The following PTPRD variants were observed in gnomAD, a reference collection of about 807,000 sequenced individuals.
PTPRD encodes the protein protein tyrosine phosphatase receptor type D.
Under a neutral mutation model 214.5 loss-of-function variants are expected in PTPRD, and 34 were observed. The ratio of observed to expected loss-of-function variants is 0.16; its 90% confidence interval spans 0.12 to 0.21. The LOEUF is 0.21. Ranked by LOEUF, PTPRD falls within the 10% of genes least tolerant of loss-of-function variation. PTPRD has a pLI of 1.00. For synonymous variants in PTPRD, 1,128 were observed against 845.7 expected (o/e 1.33, Z -5.79); for missense variants, 2,545 against 2,398.7 (o/e 1.06, Z -1.27).
intron 7 of PTPRD, among the ~76,000 whole-genome samples, chr9:9,701,271 A>G (rs957182921): frequency 2.0e-5 from 3 of 152,214 alleles, no homozygotes; most frequent in Non-Finnish European, 4.4e-5. Context: ...GATGGTAGTT[A>G]TATCTCATAT....
intron 44 of PTPRD, among the ~76,000 whole-genome samples, chr9:8,321,205 T>TATC (rs1007720330): frequency 2.6e-5 from 4 of 151,958 alleles, no homozygotes; most frequent in African/African-American, 9.7e-5. Context: ...TGAGATTTAT[T>TATC]ATCTTTTTGT....
intron 11 of PTPRD, among the ~76,000 whole-genome samples, chr9:8,942,301 T>G (rs2099038936): frequency 1.3e-5 from 2 of 152,212 alleles, no homozygotes. Flanking sequence ...ATTCTTTTAT[T>G]AAGCTGTTCT....
chr9:10,546,139 G>A (rs1383150196), intron 2 of PTPRD, among the ~76,000 whole-genome samples: 1 of 152,080 alleles, frequency 6.6e-6, no homozygotes, highest in Non-Finnish European at 1.5e-5. Flanking sequence ...GTGAGGGATA[G>A]TATTGGCCTG....
At chr9:10,444,367 A>G (rs2098783725) in intron 2 of PTPRD, among the ~76,000 whole-genome samples, 1 of 151,846 alleles carries the variant, frequency 6.6e-6, no homozygotes, top group South Asian at 2.1e-4. Context: ...GCATAGCTCC[A>G]TAGTGGTAAG....
intron 3 of PTPRD, among the ~76,000 whole-genome samples, chr9:10,244,450 T>G (rs575930851): frequency 1.3e-5 from 2 of 152,208 alleles, no homozygotes; most frequent in African/African-American, 2.4e-5. Context: ...TGGCATGAGG[T>G]CCAACTGACC....
intron 3 of PTPRD, among the ~76,000 whole-genome samples, chr9:10,279,900 A>T (rs2094990841): frequency 6.7e-6 from 1 of 149,686 alleles, no homozygotes; most frequent in Non-Finnish European, 1.5e-5. Context: ...ATAAATTCTT[A>T]TCTTTTAACT....
chr9:10,336,207 G>T (rs2096841380), intron 3 of PTPRD, among the ~76,000 whole-genome samples: 1 of 151,708 alleles, frequency 6.6e-6, no homozygotes, highest in Admixed American at 6.6e-5. Flanking sequence ...TAAAATAAGT[G>T]AAAGACTTAA....
rs948479645 is a variant in PTPRD at position 8,604,374 on chromosome 9, C to T, written c.352+28943G>A. 4.1e-4 allele frequency among the ~76,000 whole-genome samples: 63 copies of T among 152,192 alleles called. 1 individual carries two copies. Among genetic ancestry groups the T allele is most frequent in the Admixed American group, 3.8e-3 (58 of 15,282 alleles). On this transcript the variant is annotated intron_variant, in intron 14 of 45. Transcript: ENST00000381196. ...CAGTAAACATTAACTGGATGAATCA[C>T]AGATAGGGTGGGAAAGGAAGAAGAC... is the stretch of plus-strand genomic sequence containing the variant.
chr9:9,801,501 T>C (rs2099039884), intron 5 of PTPRD, among the ~76,000 whole-genome samples: 1 of 152,112 alleles, frequency 6.6e-6, no homozygotes, highest in Non-Finnish European at 1.5e-5. Context: ...CTTTAGTTGT[T>C]AATTTTAAAT....
intron 7 of PTPRD, among the ~76,000 whole-genome samples, chr9:9,679,755 G>T (rs553780611): frequency 3.3e-5 from 5 of 151,818 alleles, no homozygotes; most frequent in African/African-American, 9.7e-5. Context: ...AATCATGAAG[G>T]CCTGATTTGC....
rs542709488 is a variant in PTPRD at position 10,516,246 on chromosome 9, T to A, written c.-600+96152A>T. Among the ~76,000 whole-genome samples, 383 of 152,004 alleles carry A rather than the reference T, an allele frequency of 2.5e-3. 1 individual carries two copies. Among genetic ancestry groups the A allele is most frequent in the African/African-American group, 8.8e-3 (364 of 41,536 alleles). On this transcript the variant is annotated intron_variant, in intron 2 of 45. Transcript: ENST00000381196. Reference sequence around the variant, plus strand: ...ATCCTGATCAACACTTGTCTTTTTTTAAAAAAAATAATAGTCATCCTAACT... The same window carrying A: ...ATCCTGATCAACACTTGTCTTTTTTAAAAAAAAATAATAGTCATCCTAACT...
chr9:8,908,423 A>G (rs2098723286), intron 11 of PTPRD, among the ~76,000 whole-genome samples: 1 of 152,170 alleles, frequency 6.6e-6, no homozygotes, highest in Non-Finnish European at 1.5e-5. Flanking sequence ...ATTAAATAAG[A>G]AATCAACAAC....
At chr9:9,808,841 A>G (rs2046254984) in intron 5 of PTPRD, among the ~76,000 whole-genome samples, 1 of 152,056 alleles carries the variant, frequency 6.6e-6, no homozygotes, top group East Asian at 1.9e-4. Context: ...GCTCAATCAT[A>G]GCTCACTGAA....
At chr9:8,324,137 G>C (rs753317451) in intron 44 of PTPRD, among the ~76,000 whole-genome samples, 2 of 150,188 alleles carry the variant, frequency 1.3e-5, no homozygotes, top group Non-Finnish European at 1.5e-5. Context: ...TTCTGGGGTA[G>C]ATGAGAAAAA....
chr9:9,668,157 T>C (rs2096759127), intron 7 of PTPRD, among the ~76,000 whole-genome samples: 1 of 152,136 alleles, frequency 6.6e-6, no homozygotes, highest in African/African-American at 2.4e-5. Flanking sequence ...GTCTCACTCA[T>C]GAAAAGTGGA....
chr9:9,056,735 T>C (rs1486220337), intron 10 of PTPRD, among the ~76,000 whole-genome samples: 2 of 152,250 alleles, frequency 1.3e-5, no homozygotes, highest in African/African-American at 2.4e-5. Context: ...AAGTCTTCCA[T>C]GTTTGGCGTA....
intron 37 of PTPRD, among the ~76,000 whole-genome samples, chr9:8,382,196 A>G (rs2085319174): frequency 6.6e-6 from 1 of 152,270 alleles, no homozygotes; most frequent in Non-Finnish European, 1.5e-5. Flanking sequence ...AACAACCAGT[A>G]CAACTATGTT....
chr9:9,888,404 C>T (rs146826845), intron 5 of PTPRD, among the ~76,000 whole-genome samples: 9 of 152,062 alleles, frequency 5.9e-5, no homozygotes, highest in African/African-American at 1.4e-4. Context: ...GGATATTTGT[C>T]CCTTACAGAT....
At chr9:10,099,109 G>A (rs2098525326) in intron 3 of PTPRD, among the ~76,000 whole-genome samples, 1 of 151,726 alleles carries the variant, frequency 6.6e-6, no homozygotes, top group South Asian at 2.1e-4. Context: ...GAGTTCCATA[G>A]AAGCTCATTG....
Sources: allele counts gnomAD v4.1 joint callset (sites outside exome capture counted in the v4.1 genomes callset), GRCh38; gene constraint gnomAD v4.1.1; transcripts MANE v1.5; gene names NCBI Gene and HGNC (gene_info 2026-07-23, HGNC 2026-07-21).